The following DCC variants were observed in gnomAD, a reference collection of about 807,000 sequenced individuals.
DCC encodes the protein netrin receptor DCC.
In DCC, 58 loss-of-function variants were observed where a neutral mutation model predicts 172.5. That is an observed-to-expected ratio of 0.34 (90% confidence interval 0.27 to 0.42). The LOEUF (loss-of-function observed/expected upper bound fraction) is 0.42, where lower values mean the gene tolerates loss of function less well. DCC is among the 10% of genes least tolerant of loss of function. The probability of loss-of-function intolerance (pLI) is 1.00; values close to 1 mark genes in which losing one functional copy is unlikely to be tolerated. For missense variants in DCC, 1,740 were observed against 1,791.0 expected (o/e 0.97, Z 0.51); for synonymous variants, 709 against 644.5 (o/e 1.10, Z -1.52).
At chr18:52,346,698 T>C (rs1476136885) in intron 1 of DCC, among the ~76,000 whole-genome samples, 4 of 152,170 alleles carry the variant, frequency 2.6e-5, no homozygotes, top group Non-Finnish European at 1.5e-5. Context: ...AGCTTTCATT[T>C]CTTGGGGGGA....
chr18:53,047,712 A>C (rs1293698974), intron 5 of DCC, among the ~76,000 whole-genome samples: 1 of 151,206 alleles, frequency 6.6e-6, no homozygotes, highest in Non-Finnish European at 1.5e-5. Context: ...GATAATCTTT[A>C]CCTCTCTGAG....
At chr18:52,487,589 T>C (rs1048189223) in intron 1 of DCC, among the ~76,000 whole-genome samples, 1 of 152,022 alleles carries the variant, frequency 6.6e-6, no homozygotes, top group African/African-American at 2.4e-5. Context: ...GGCGGGTGGA[T>C]TACCTGAGGT....
At chr18:52,697,244 A>T (rs1316883107) in intron 1 of DCC, among the ~76,000 whole-genome samples, 1 of 152,218 alleles carries the variant, frequency 6.6e-6, no homozygotes, top group Non-Finnish European at 1.5e-5. Context: ...ACTTCTGACT[A>T]AAAGGCAACA....
chr18:52,916,898 A>G (rs2040049342), intron 3 of DCC, among the ~76,000 whole-genome samples: 1 of 152,122 alleles, frequency 6.6e-6, no homozygotes, highest in African/African-American at 2.4e-5. Context: ...ATTTATAAAA[A>G]TGGAAAGAAC....
chr18:53,011,133 A>T (rs145614006), intron 5 of DCC, among the ~76,000 whole-genome samples: 52 of 151,664 alleles, frequency 3.4e-4, no homozygotes, highest in Admixed American at 1.5e-3. Flanking sequence ...ACTGAAAGCA[A>T]AAACAAGAGT....
chr18:52,466,080 G>A (rs747236562), intron 1 of DCC, among the ~76,000 whole-genome samples: 7 of 152,094 alleles, frequency 4.6e-5, no homozygotes, highest in Non-Finnish European at 1.0e-4. Flanking sequence ...CTTACTATTT[G>A]ATATTCAGGT....
intron 2 of DCC, among the ~76,000 whole-genome samples, chr18:52,905,531 G>A (rs2039869153): frequency 6.6e-6 from 1 of 152,134 alleles, no homozygotes; most frequent in Admixed American, 6.5e-5. Flanking sequence ...TATAATTGGT[G>A]GTTCCTATCA....
At chr18:53,421,984 C>T (rs1910666236) in intron 21 of DCC, among the ~76,000 whole-genome samples, 1 of 152,194 alleles carries the variant, frequency 6.6e-6, no homozygotes, top group Non-Finnish European at 1.5e-5. Flanking sequence ...CTTGCCCAAA[C>T]ACTCACAGTA....
chr18:52,649,305 G>A (rs1245698957), intron 1 of DCC, among the ~76,000 whole-genome samples: 2 of 148,938 alleles, frequency 1.3e-5, no homozygotes, highest in Non-Finnish European at 3.0e-5. Flanking sequence ...CCCGGGAGGC[G>A]GAGCTTGCAG....
chr18:53,422,708 A>G (rs563354781), intron 21 of DCC, among the ~76,000 whole-genome samples: 5 of 152,290 alleles, frequency 3.3e-5, no homozygotes, highest in African/African-American at 1.2e-4. Context: ...CAGTCTAGTC[A>G]AGCTTGGAAT....
At chr18:53,399,372 C>T (rs1909159529) in intron 18 of DCC, among the ~76,000 whole-genome samples, 1 of 151,990 alleles carries the variant, frequency 6.6e-6, no homozygotes, top group Admixed American at 6.6e-5. Context: ...TGGGATAAGA[C>T]CATGGAATTC....
At chr18:52,727,240 TG>T (rs1346777619) in intron 1 of DCC, among the ~76,000 whole-genome samples, 1 of 152,250 alleles carries the variant, frequency 6.6e-6, no homozygotes, top group Non-Finnish European at 1.5e-5. Context: ...TACTGTCATT[TG>T]AAAATGAAAA....
At chr18:53,047,258 AT>A (rs2042252994) in intron 5 of DCC, among the ~76,000 whole-genome samples, 3 of 13,274 alleles carry the variant, frequency 2.3e-4, no homozygotes, top group African/African-American at 1.5e-3. Flanking sequence ...ATATATATAT[AT>A]ATATATATAT....
intron 1 of DCC, among the ~76,000 whole-genome samples, chr18:52,493,001 A>G (rs2030581542): frequency 6.6e-6 from 1 of 152,124 alleles, no homozygotes; most frequent in Non-Finnish European, 1.5e-5. Flanking sequence ...TCCAGTGGCA[A>G]TTGCAGAGCA....
intron 1 of DCC, among the ~76,000 whole-genome samples, chr18:52,444,127 G>A (rs140033566): frequency 6.6e-6 from 1 of 152,324 alleles, no homozygotes; most frequent in East Asian, 1.9e-4. Context: ...GCTGGCTGCA[G>A]CCTAGAAAGG....
intron 5 of DCC, among the ~76,000 whole-genome samples, chr18:52,937,010 A>G (rs2040391015): frequency 6.6e-6 from 1 of 152,134 alleles, no homozygotes; most frequent in Admixed American, 6.6e-5. Flanking sequence ...TATTTTAAGT[A>G]TAGTGTATTT....
At chr18:53,226,948 A>ATATATATATTTTTTT in intron 12 of DCC, among the ~76,000 whole-genome samples, 1 of 52,954 alleles carries the variant, frequency 1.9e-5, no homozygotes, top group African/African-American at 9.4e-5. Flanking sequence ...ATATATATAT[A>ATATATATATTTTTTT]TTTTTTTTTT....
chr18:52,803,780 C>T (rs2038037240), intron 2 of DCC, among the ~76,000 whole-genome samples: 1 of 152,156 alleles, frequency 6.6e-6, no homozygotes, highest in East Asian at 1.9e-4. Context: ...CACATTCATT[C>T]AATCCACACA....
At chr18:52,714,431 A>G (rs761319316) in intron 1 of DCC, among the ~76,000 whole-genome samples, 3 of 152,224 alleles carry the variant, frequency 2.0e-5, no homozygotes, top group Admixed American at 6.5e-5. Flanking sequence ...GGGTAGTAGA[A>G]CTTTTGAAGT....
Sources: gnomAD v4.1 joint callset for allele counts (sites outside exome capture counted in the v4.1 genomes callset) on GRCh38, gnomAD v4.1.1 for gene constraint, MANE v1.5 for transcripts, NCBI Gene and HGNC (gene_info 2026-07-23, HGNC 2026-07-21) for gene names.